The following KCNQ3 variants were observed in gnomAD, a reference collection of about 807,000 sequenced individuals.
KCNQ3 encodes potassium voltage-gated channel subfamily Q member 3, also known as potassium voltage-gated channel subfamily KQT member 3.
KCNQ3 carries 30 observed loss-of-function variants against 92.5 expected under a neutral mutation model. The observed-to-expected ratio is 0.32, with a 90% CI of 0.24 to 0.44. The LOEUF is 0.44. KCNQ3 is among the 20% of genes least tolerant of loss of function. The pLI, the probability that KCNQ3 is intolerant of heterozygous loss-of-function variation, is 1.00. For missense variants in KCNQ3, 913 were observed against 1,140.3 expected, an observed-to-expected ratio of 0.80 and a Z score of 2.87; for synonymous variants, 450 against 468.8, an observed-to-expected ratio of 0.96 and a Z score of 0.52.
At chr8:132,250,723 T>C (rs1251298564) in intron 1 of KCNQ3, among the ~76,000 whole-genome samples, 2 of 152,096 alleles carry the variant, frequency 1.3e-5, no homozygotes, top group African/African-American at 2.4e-5. Context: ...TCTCACAGGA[T>C]GCATGGGCTC....
chr8:132,235,962 G>A (rs770464613), intron 1 of KCNQ3, among the ~76,000 whole-genome samples: 2 of 152,192 alleles, frequency 1.3e-5, no homozygotes, highest in African/African-American at 2.4e-5. Flanking sequence ...GCGGGAGTGG[G>A]CTCCATGCTG....
At chr8:132,413,727 A>C (rs964863713) in intron 1 of KCNQ3, among the ~76,000 whole-genome samples, 1 of 152,210 alleles carries the variant, frequency 6.6e-6, no homozygotes, top group African/African-American at 2.4e-5. Context: ...AGAACAGAGC[A>C]AAGCTTTTGT....
At chr8:132,427,165 T>C (rs1821133309) in intron 1 of KCNQ3, among the ~76,000 whole-genome samples, 1 of 152,118 alleles carries the variant, frequency 6.6e-6, no homozygotes, top group African/African-American at 2.4e-5. Flanking sequence ...CTATGATTGA[T>C]TTGTGATGTC....
Position 132,137,873 on chromosome 8 carries a change from T to G in KCNQ3, c.1700+12A>C, listed in dbSNP as rs1035669898. 2 of 1,613,792 alleles carry G rather than the reference T, an allele frequency of 1.2e-6. No individual in the cohort carries two copies. Among genetic ancestry groups the G allele is most frequent in the African/African-American group, 1.3e-5 (1 of 74,944 alleles). On this transcript the variant is annotated intron_variant, in intron 12 of 14. Coordinates refer to ENST00000388996, the MANE Select transcript of KCNQ3 (RefSeq NM_004519.4). ...GAGGGGAGCGCAGTCCCTCCAGATG[T>G]GACTGTCTCACCTCGTCTGAAGGTA...
chr8:132,121,014 C>T lies in KCNQ3; in HGVS notation c.*8248G>A, dbSNP rs944627224. On this transcript the variant is annotated 3_prime_UTR_variant, in exon 15 of 15. Transcript: ENST00000388996. ...AGAGCCAGAATATAAATTACACATACAGTTTAAAAATTACAGGAAATCATA... is the reference window on the plus strand; with the variant it reads ...AGAGCCAGAATATAAATTACACATATAGTTTAAAAATTACAGGAAATCATA... 6.6e-6 allele frequency: 1 copy of T among 152,002 alleles called. No individual in the cohort carries two copies. The highest frequency in any genetic ancestry group is 1.5e-5 in the Non-Finnish European group (1 of 68,010). The allele number at this position is 152,002 out of a possible 1,614,324, so 9.4% of individuals were successfully genotyped here.
intron 1 of KCNQ3, among the ~76,000 whole-genome samples, chr8:132,284,487 G>A (rs532245503): frequency 2.8e-3 from 272 of 95,508 alleles, no homozygotes; most frequent in African/African-American, 8.0e-3. Context: ...AAACTCTATA[G>A]ATTTTTTTTT....
chr8:132,410,189 C>T (rs1313620217), intron 1 of KCNQ3, among the ~76,000 whole-genome samples: 1 of 152,112 alleles, frequency 6.6e-6, no homozygotes, highest in Non-Finnish European at 1.5e-5. Context: ...TAAGGAATGA[C>T]TATAATGAGC....
chr8:132,125,149 T>G lies in KCNQ3; in HGVS notation c.*4113A>C, dbSNP rs1282974009. ...GGTTTCTCCAACAATCTTCCTCAGA[T>G]TCCCTAGAATCCCCCCTTTTTGCAC... is the stretch of plus-strand genomic sequence containing the variant. On this transcript the variant is annotated 3_prime_UTR_variant, in exon 15 of 15. Coordinates refer to ENST00000388996, the MANE Select transcript of KCNQ3 (RefSeq NM_004519.4). 2.6e-5 allele frequency: 4 copies of G among 152,172 alleles called. No homozygotes were observed. Among genetic ancestry groups the G allele is most frequent in the African/African-American group, 9.7e-5 (4 of 41,442 alleles). 9.4% of individuals were successfully genotyped at this position (152,172 alleles called of 1,614,324 possible).
At chr8:132,401,982 G>C (rs1820348546) in intron 1 of KCNQ3, among the ~76,000 whole-genome samples, 1 of 138,270 alleles carries the variant, frequency 7.2e-6, no homozygotes, top group Non-Finnish European at 1.6e-5. Context: ...GCAGTTGCTA[G>C]AGCCAAAGCA....
At chr8:132,336,763 A>G (rs1331195092) in intron 1 of KCNQ3, among the ~76,000 whole-genome samples, 3 of 152,188 alleles carry the variant, frequency 2.0e-5, no homozygotes, top group Non-Finnish European at 2.9e-5. Flanking sequence ...CCCAGTGCCT[A>G]TTGAATCTTT....
At chr8:132,146,795 G>A (rs1825464032) in intron 9 of KCNQ3, among the ~76,000 whole-genome samples, 1 of 151,978 alleles carries the variant, frequency 6.6e-6, no homozygotes, top group African/African-American at 2.4e-5. Flanking sequence ...TGCCATGCTG[G>A]CCAGATTAGT....
At chr8:132,357,830 C>G (rs1174188416) in intron 1 of KCNQ3, among the ~76,000 whole-genome samples, 1 of 152,218 alleles carries the variant, frequency 6.6e-6, no homozygotes, top group Non-Finnish European at 1.5e-5. Flanking sequence ...TGCTCCTCCT[C>G]CAATCAGAAC....
intron 1 of KCNQ3, among the ~76,000 whole-genome samples, chr8:132,293,531 T>A (rs1215217614): frequency 8.0e-6 from 1 of 125,682 alleles, no homozygotes; most frequent in Non-Finnish European, 1.8e-5. Flanking sequence ...TTAAGAGAGT[T>A]TTTCCCTACA....
At chr8:132,281,814 C>T (rs1024607408) in intron 1 of KCNQ3, among the ~76,000 whole-genome samples, 5 of 152,152 alleles carry the variant, frequency 3.3e-5, no homozygotes, top group Admixed American at 6.5e-5. Context: ...TCACTGCCTA[C>T]GGGGTGGAGC....
rs143939470 is a variant in KCNQ3, at chr8:132,157,760, A to G, written c.1262+5708T>C. On this transcript the variant is annotated intron_variant, in intron 9 of 14. Coordinates refer to ENST00000388996, the MANE Select transcript of KCNQ3 (RefSeq NM_004519.4). The stretch of plus-strand genomic sequence containing the variant: ...TGTGCCATGGTGGTTTGCTGTACCT[A>G]TCAACCCATCATCTACGTTTTAAGC... Among the ~76,000 whole-genome samples the G allele has an allele frequency of 1.1e-4, 17 of 152,104 alleles. No individual in the cohort carries two copies. In the East Asian group the frequency reaches 2.9e-3, roughly 26 times the overall value.
At chr8:132,352,467 C>T (rs765339080) in intron 1 of KCNQ3, among the ~76,000 whole-genome samples, 6 of 152,128 alleles carry the variant, frequency 3.9e-5, no homozygotes, top group South Asian at 4.1e-4. Flanking sequence ...AAAACTCTGG[C>T]GAGTTCAGGA....
At chr8:132,445,071 T>G (rs1013789579) in intron 1 of KCNQ3, among the ~76,000 whole-genome samples, 1 of 152,200 alleles carries the variant, frequency 6.6e-6, no homozygotes, top group Admixed American at 6.5e-5. Flanking sequence ...CACCTTGTAA[T>G]TCTCACAATT....
chr8:132,169,430 T>G (rs1048244320), intron 8 of KCNQ3, among the ~76,000 whole-genome samples: 2 of 152,238 alleles, frequency 1.3e-5, no homozygotes, highest in African/African-American at 4.8e-5. Flanking sequence ...CCCTTTTCCA[T>G]AACCATAGAA....
intron 1 of KCNQ3, among the ~76,000 whole-genome samples, chr8:132,470,060 T>A (rs2130865505): frequency 6.6e-6 from 1 of 150,924 alleles, no homozygotes; most frequent in Middle Eastern, 3.4e-3. Context: ...GCTAGACTCT[T>A]TAAATTTAGT....
Sources: gnomAD v4.1 joint callset for allele counts (sites outside exome capture counted in the v4.1 genomes callset) on GRCh38, gnomAD v4.1.1 for gene constraint, MANE v1.5 for transcripts, NCBI Gene and HGNC (gene_info 2026-07-23, HGNC 2026-07-21) for gene names.